The following C12orf56 variants were observed in gnomAD, a reference collection of about 807,000 sequenced individuals.
C12orf56 encodes the protein chromosome 12 open reading frame 56, also known as uncharacterized protein C12orf56.
Under a neutral mutation model 69.9 loss-of-function variants are expected in C12orf56, and 71 were observed. That is an observed-to-expected ratio of 1.02 (90% CI 0.84 to 1.24). The LOEUF (loss-of-function observed/expected upper bound fraction) is 1.24. Among genes scored for constraint, C12orf56 ranks in the 50% most tolerant of loss-of-function variants. The pLI, the probability that C12orf56 is intolerant of heterozygous loss-of-function variation, is 0.00. For synonymous variants in C12orf56, 276 were observed against 274.1 expected (o/e 1.01, Z -0.07); for missense variants, 732 against 738.5 (o/e 0.99, Z 0.10).
At chr12:64,284,238 A>G (rs2038169461) in intron 8 of C12orf56, among the ~76,000 whole-genome samples, 1 of 152,150 alleles carries the variant, frequency 6.6e-6, no homozygotes, top group Non-Finnish European at 1.5e-5. Context: ...AGATATTAAT[A>G]AACTCTCCAA....
intron 1 of C12orf56, among the ~76,000 whole-genome samples, chr12:64,363,822 A>G (rs2039429453): frequency 6.6e-6 from 1 of 152,078 alleles, no homozygotes; most frequent in African/African-American, 2.4e-5. Context: ...CCTGACCTGC[A>G]TTACCTTGGT....
chr12:64,270,182 G>A (rs750326284), intron 12 of C12orf56, among the ~76,000 whole-genome samples: 13 of 151,992 alleles, frequency 8.6e-5, no homozygotes, highest in Non-Finnish European at 1.8e-4. Flanking sequence ...TGGATCATCA[G>A]GTTAGGAGTT....
intron 5 of C12orf56, among the ~76,000 whole-genome samples, chr12:64,308,947 G>GAAAGAAA (rs1565749009): frequency 0.046 from 3,127 of 67,590 alleles, 120 homozygotes; most frequent in Middle Eastern, 0.11. Context: ...AAAGAAGAAA[G>GAAAGAAA]AAAGAAAGAA....
chr12:64,280,274 T>G (rs1186765654), intron 8 of C12orf56, among the ~76,000 whole-genome samples: 1 of 152,100 alleles, frequency 6.6e-6, no homozygotes, highest in Admixed American at 6.6e-5. Context: ...ATCCTGAAAA[T>G]AGAGATAACT....
chr12:64,302,622 T>C (rs7976659), intron 6 of C12orf56, among the ~76,000 whole-genome samples: 106,497 of 151,800 alleles, frequency 0.7, 38,494 homozygotes, highest in Non-Finnish European at 0.79. Context: ...GGCTCTCTCA[T>C]GGAGGCCTCA....
At chr12:64,303,541 A>G (rs554199741) in intron 6 of C12orf56, 94 bp downstream of exon 6, 1 of 1,054,244 alleles carries the variant, frequency 9.5e-7, no homozygotes, top group African/African-American at 1.6e-5. Flanking sequence ...GCATCAGAAT[A>G]CAAGACAACT....
chr12:64,347,721 C>T, intron 2 of C12orf56, among the ~76,000 whole-genome samples: 1 of 152,112 alleles, frequency 6.6e-6, no homozygotes, highest in East Asian at 1.9e-4. Flanking sequence ...AGGATAAGCA[C>T]TTGGATCAAA....
chr12:64,267,128 T>G lies in C12orf56; in HGVS notation c.*55A>C. 7.9e-7 allele frequency: 1 copy of G among 1,265,330 alleles called. No individual in the cohort carries two copies. The highest frequency in any genetic ancestry group is 2.5e-5 in the East Asian group (1 of 39,318). 78.4% of individuals were successfully genotyped at this position (1,265,330 alleles called of 1,614,324 possible). ...AAAAATGTTTCTCGTGAATATCAAG[T>G]TGACTCTTGATTAACATTTTATACT... is the stretch of plus-strand genomic sequence containing the variant. On this transcript the variant is annotated 3_prime_UTR_variant, in exon 13 of 13. Transcript: ENST00000543942.
intron 1 of C12orf56, among the ~76,000 whole-genome samples, chr12:64,387,993 G>C (rs991717007): frequency 6.6e-6 from 1 of 152,020 alleles, no homozygotes; most frequent in Non-Finnish European, 1.5e-5. Context: ...TTTTGAGACA[G>C]AGTTTTGCTC....
chr12:64,380,242 A>G (rs1383538143), intron 1 of C12orf56, among the ~76,000 whole-genome samples: 3 of 151,984 alleles, frequency 2.0e-5, no homozygotes. Flanking sequence ...CATGAGACCT[A>G]TAAGATTTTA....
At chr12:64,313,841 G>A (rs920655693) in intron 4 of C12orf56, among the ~76,000 whole-genome samples, 1 of 151,248 alleles carries the variant, frequency 6.6e-6, no homozygotes, top group Non-Finnish European at 1.5e-5. Context: ...TCAGGAGTTC[G>A]AGACAAGCCT....
At chr12:64,322,639 C>T (rs940692897) in intron 3 of C12orf56, among the ~76,000 whole-genome samples, 15 of 152,074 alleles carry the variant, frequency 9.9e-5, no homozygotes, top group African/African-American at 3.4e-4. Flanking sequence ...GCCAATATAG[C>T]GAGGCCCCAT....
chr12:64,376,997 CT>C (rs947344855), intron 1 of C12orf56, among the ~76,000 whole-genome samples: 40 of 152,118 alleles, frequency 2.6e-4, no homozygotes, highest in African/African-American at 9.6e-4. Context: ...AAAAGGGTTC[CT>C]TTTTCTCCAC....
At chr12:64,340,395 CAGTATTAACCATCACA>C (rs1157175309) in intron 2 of C12orf56, among the ~76,000 whole-genome samples, 1 of 152,128 alleles carries the variant, frequency 6.6e-6, no homozygotes, top group Non-Finnish European at 1.5e-5. Flanking sequence ...AGTGGACACT[CAGTATTAACCATCACA>C]AGTCCACCCC....
At chr12:64,305,385 T>G (rs1032595220) in intron 5 of C12orf56, among the ~76,000 whole-genome samples, 1 of 152,202 alleles carries the variant, frequency 6.6e-6, no homozygotes, top group Admixed American at 6.5e-5. Context: ...TTTTGTTTGT[T>G]TGTTTGTTTG....
intron 1 of C12orf56, among the ~76,000 whole-genome samples, chr12:64,377,363 A>G (rs1304501627): frequency 6.6e-6 from 1 of 151,506 alleles, no homozygotes; most frequent in Non-Finnish European, 1.5e-5. Context: ...TAATTTTTTT[A>G]TTTTTAGTAG....
In C12orf56 at chr12:64,319,568, G is replaced by A. The variant is rs565575787; in HGVS notation, c.489-588C>T. ...GTGCCACTATGCCCAGCTAATTTTT[G>A]TATTTTTTTGTAGTGATGGTGAGAC... On this transcript the variant is annotated intron_variant, in intron 3 of 12. Coordinates refer to ENST00000543942, the MANE Select transcript of C12orf56 (RefSeq NM_001170633.2). 1.5e-3 allele frequency among the ~76,000 whole-genome samples: 223 copies of A among 152,188 alleles called. 2 individuals carry two copies. Among genetic ancestry groups the A allele is most frequent in the African/African-American group, 5.1e-3 (212 of 41,532 alleles).
chr12:64,316,437 A>G (rs2038692545), intron 4 of C12orf56, among the ~76,000 whole-genome samples: 1 of 152,120 alleles, frequency 6.6e-6, no homozygotes, highest in Admixed American at 6.6e-5. Context: ...CTTATTGCCC[A>G]GGATGGAGTG....
At chr12:64,388,682 C>T (rs1443839442) in intron 1 of C12orf56, among the ~76,000 whole-genome samples, 1 of 152,138 alleles carries the variant, frequency 6.6e-6, no homozygotes, top group Non-Finnish European at 1.5e-5. Flanking sequence ...CTGCAAGATC[C>T]TGTCTCTACA....
Sources: allele counts gnomAD v4.1 joint callset (sites outside exome capture counted in the v4.1 genomes callset), GRCh38; gene constraint gnomAD v4.1.1; transcripts MANE v1.5; gene names NCBI Gene and HGNC (gene_info 2026-07-23, HGNC 2026-07-21).